PRKG1: variants seen among roughly 807,000 people sequenced by gnomAD.
The protein encoded by PRKG1 is cGMP-dependent protein kinase 1.
PRKG1 carries 35 observed loss-of-function variants against 88.1 expected under a neutral mutation model. The ratio of observed to expected loss-of-function variants is 0.40; its 90% CI spans 0.30 to 0.53. The LOEUF (loss-of-function observed/expected upper bound fraction) is 0.53, where lower values mean the gene tolerates loss of function less well. PRKG1 is among the 20% of genes least tolerant of loss of function. The pLI, the probability that PRKG1 is intolerant of heterozygous loss-of-function variation, is 0.59. For missense variants in PRKG1, 540 were observed against 839.8 expected, an observed-to-expected ratio of 0.64 and a Z score of 4.41; for synonymous variants, 303 against 292.5, an observed-to-expected ratio of 1.04 and a Z score of -0.37.
chr10:51,464,472 T>C (rs1174391640), intron 2 of PRKG1, among the ~76,000 whole-genome samples: 1 of 152,114 alleles, frequency 6.6e-6, no homozygotes, highest in Admixed American at 6.5e-5. Flanking sequence ...CCAATTAATG[T>C]GAAATACAAC....
intron 4 of PRKG1, among the ~76,000 whole-genome samples, chr10:51,883,077 G>A (rs1028069701): frequency 1.3e-5 from 2 of 152,184 alleles, no homozygotes; most frequent in African/African-American, 2.4e-5. Context: ...AACCTGTTGA[G>A]GACCTGAATA....
chr10:51,543,129 TAG>T (rs1228359516), intron 3 of PRKG1, among the ~76,000 whole-genome samples: 1 of 152,158 alleles, frequency 6.6e-6, no homozygotes, highest in Admixed American at 6.5e-5. Context: ...GGTTATGCAA[TAG>T]AGTTTTGAAC....
chr10:51,395,184 A>G (rs915407801), intron 2 of PRKG1, among the ~76,000 whole-genome samples: 2 of 152,192 alleles, frequency 1.3e-5, no homozygotes, highest in African/African-American at 4.8e-5. Flanking sequence ...CACAGGCTAC[A>G]TGGCTTCTCA....
intron 10 of PRKG1, among the ~76,000 whole-genome samples, chr10:52,255,219 G>A (rs1035410964): frequency 2.0e-5 from 3 of 152,028 alleles, no homozygotes; most frequent in Admixed American, 6.6e-5. Context: ...CTAGGTAATC[G>A]TCTTCATTTA....
At chr10:52,282,057 T>C (rs1284194437) in intron 13 of PRKG1, 96 bp from the exon 14 acceptor site, 3 of 1,214,710 alleles carry the variant, frequency 2.5e-6, no homozygotes, top group Non-Finnish European at 3.4e-6. Flanking sequence ...TACATGTTTT[T>C]AAATTATTAT....
At chr10:51,622,396 C>T (rs1041126382) in intron 3 of PRKG1, among the ~76,000 whole-genome samples, 7 of 152,130 alleles carry the variant, frequency 4.6e-5, no homozygotes, top group Admixed American at 1.3e-4. Context: ...GATCAAATAT[C>T]GAGGAGGAAT....
chr10:51,332,399 C>G (rs552474429), intron 2 of PRKG1, among the ~76,000 whole-genome samples: 1 of 150,784 alleles, frequency 6.6e-6, no homozygotes, highest in Non-Finnish European at 1.5e-5. Flanking sequence ...ATTTTCTACT[C>G]CCCTCCACCT....
chr10:51,313,264 A>T (rs141191243), intron 2 of PRKG1, among the ~76,000 whole-genome samples: 1 of 152,220 alleles, frequency 6.6e-6, no homozygotes, highest in East Asian at 1.9e-4. Context: ...GCCCTATAAG[A>T]GAGAGGTGAG....
At chr10:52,003,181 A>G in intron 5 of PRKG1, among the ~76,000 whole-genome samples, 1 of 152,220 alleles carries the variant, frequency 6.6e-6, no homozygotes, top group East Asian at 1.9e-4. Flanking sequence ...TTTAAGAGAT[A>G]GGATCTTGGC....
At chr10:51,317,005 A>C (rs559212200) in intron 2 of PRKG1, among the ~76,000 whole-genome samples, 1 of 152,286 alleles carries the variant, frequency 6.6e-6, no homozygotes, top group East Asian at 1.9e-4. Context: ...GCCAGTTGCA[A>C]GTAGCTGGTG....
intron 3 of PRKG1, among the ~76,000 whole-genome samples, chr10:51,655,095 C>T (rs1024057447): frequency 5.9e-5 from 9 of 152,192 alleles, no homozygotes; most frequent in Middle Eastern, 3.4e-3. Context: ...TTATTATAAC[C>T]GTGAAATTAA....
chr10:52,213,000 A>G (rs964029453), intron 9 of PRKG1, among the ~76,000 whole-genome samples: 1 of 152,158 alleles, frequency 6.6e-6, no homozygotes, highest in African/African-American at 2.4e-5. Context: ...AGTGGTCCTG[A>G]TAACCACTGC....
At chr10:51,605,352 C>T (rs180737111) in intron 3 of PRKG1, among the ~76,000 whole-genome samples, 149 of 152,276 alleles carry the variant, frequency 9.8e-4, no homozygotes, top group African/African-American at 3.4e-3. Flanking sequence ...GGGTGGGGCC[C>T]TCATTAGGGC....
At chr10:51,307,843 G>C (rs1209616876) in intron 2 of PRKG1, among the ~76,000 whole-genome samples, 3 of 152,094 alleles carry the variant, frequency 2.0e-5, no homozygotes, top group Non-Finnish European at 4.4e-5. Context: ...ATTAAGAGCA[G>C]ATTAATATAG....
intron 3 of PRKG1, among the ~76,000 whole-genome samples, chr10:51,481,282 C>G (rs934265083): frequency 6.9e-6 from 1 of 144,976 alleles, no homozygotes; most frequent in Admixed American, 7.0e-5. Flanking sequence ...CTTTCTCACT[C>G]TGTCACCCAG....
chr10:51,767,625 G>T (rs936956072), intron 3 of PRKG1, among the ~76,000 whole-genome samples: 59 of 150,388 alleles, frequency 3.9e-4, no homozygotes, highest in Non-Finnish European at 6.2e-4. Flanking sequence ...TCTAGCTTTT[G>T]AATTTTTTTT....
chr10:51,541,642 A>T (rs1441483639), intron 3 of PRKG1, among the ~76,000 whole-genome samples: 1 of 152,188 alleles, frequency 6.6e-6, no homozygotes, highest in African/African-American at 2.4e-5. Flanking sequence ...ATATTGCATT[A>T]TATTGCTCAA....
intron 3 of PRKG1, among the ~76,000 whole-genome samples, chr10:51,485,694 T>A (rs1479662697): frequency 2.6e-5 from 4 of 152,202 alleles, no homozygotes; most frequent in Non-Finnish European, 4.4e-5. Flanking sequence ...TGTTTGCTTT[T>A]GTTATTTTTT....
At chr10:51,340,062 C>A (rs1198470194) in intron 2 of PRKG1, among the ~76,000 whole-genome samples, 1 of 152,112 alleles carries the variant, frequency 6.6e-6, no homozygotes, top group Non-Finnish European at 1.5e-5. Context: ...TAGTGGATCT[C>A]AGCTTTATAA....
Sources: gnomAD v4.1 joint callset for allele counts (sites outside exome capture counted in the v4.1 genomes callset) on GRCh38, gnomAD v4.1.1 for gene constraint, MANE v1.5 for transcripts, NCBI Gene and HGNC (gene_info 2026-07-23, HGNC 2026-07-21) for gene names.